Variants in ENPP2 observed in about 807,000 individuals in gnomAD.
ENPP2 encodes the protein autotaxin.
A neutral mutation model predicts 120.2 loss-of-function variants in ENPP2; 51 were observed. The observed-to-expected ratio is 0.42, with a 90% CI of 0.34 to 0.54. ENPP2 has a LOEUF of 0.54. Among genes scored for constraint, ENPP2 ranks in the 20% least tolerant of loss-of-function variants. The probability of loss-of-function intolerance (pLI) is 0.04; values close to 1 mark genes in which losing one functional copy is unlikely to be tolerated. For synonymous variants in ENPP2, 365 were observed against 366.4 expected (o/e 1.00, Z 0.04); for missense variants, 920 against 1,066.5 (o/e 0.86, Z 1.91).
upstream of ENPP2, among the ~76,000 whole-genome samples, chr8:119,641,916 C>CA (rs36018654): frequency 6.5e-3 from 988 of 152,182 alleles, 5 homozygotes; most frequent in Non-Finnish European, 9.9e-3. Flanking sequence ...TAGGGATAAA[C>CA]AAAAAACTAT....
intron 12 of ENPP2, among the ~76,000 whole-genome samples, chr8:119,593,236 C>G (rs1423191057): frequency 6.6e-6 from 1 of 152,186 alleles, no homozygotes; most frequent in Non-Finnish European, 1.5e-5. Context: ...TGAATTACAG[C>G]AGGGCCTTCC....
In ENPP2 at chr8:119,626,478, GCAGGGTGGCCACTC is replaced by G. The variant is rs146093752; in HGVS notation, c.292+73_292+86del. 4.6e-3 allele frequency: 4,713 copies of G among 1,030,890 alleles called. 120 individuals are homozygous for G. In the African/African-American group the frequency reaches 0.065, roughly 14 times the overall value. The allele number at this position is 1,030,890 out of a possible 1,614,324, so 63.9% of individuals were successfully genotyped here. A position where few individuals can be genotyped will look rare whatever the true frequency, so the allele number is the denominator to read the frequency against. ...GAATCCACAGTTTGGATAGACCAAA[GCAGGGTGGCCACTC>G]CAGGATGCATACAATAGCAGGCAGT... On this transcript the variant is annotated intron_variant, in intron 3 of 24. Coordinates refer to ENST00000075322, the MANE Select transcript of ENPP2 (RefSeq NM_001040092.3).
At chr8:119,627,657 T>A (rs1430398500) in intron 2 of ENPP2, among the ~76,000 whole-genome samples, 1 of 151,556 alleles carries the variant, frequency 6.6e-6, no homozygotes, top group Non-Finnish European at 1.5e-5. Flanking sequence ...AGGTCAGGAG[T>A]TCGAGACCAG....
At chr8:119,572,285 T>C in intron 19 of ENPP2, 1 of 1,450,876 alleles carries the variant, frequency 6.9e-7, no homozygotes, top group Non-Finnish European at 9.5e-7. Flanking sequence ...TTTGAGAAGC[T>C]ATTCTCTTTT....
At chr8:119,595,975 G>C in intron 11 of ENPP2, 1 of 1,613,944 alleles carries the variant, frequency 6.2e-7, no homozygotes, top group Non-Finnish European at 8.5e-7. Context: ...CTCTTAGCCG[G>C]AGTAAAAGGT....
chr8:119,660,227 T>C (rs557964555), intron 1 of ENPP2, among the ~76,000 whole-genome samples: 2 of 152,348 alleles, frequency 1.3e-5, no homozygotes, highest in African/African-American at 4.8e-5. Flanking sequence ...GAAAAAACAG[T>C]TATTTGAAAT....
At chr8:119,568,476 A>T (rs1281277465) in intron 21 of ENPP2, among the ~76,000 whole-genome samples, 1 of 151,426 alleles carries the variant, frequency 6.6e-6, no homozygotes, top group Non-Finnish European at 1.5e-5. Context: ...AGCCATTTAC[A>T]ATGTTTTTTT....
At chr8:119,635,339 T>C (rs1381061597) in intron 2 of ENPP2, among the ~76,000 whole-genome samples, 1 of 152,244 alleles carries the variant, frequency 6.6e-6, no homozygotes, top group Non-Finnish European at 1.5e-5. Context: ...AAGTCTCTGT[T>C]AGCCAGCTAT....
intron 1 of ENPP2, among the ~76,000 whole-genome samples, chr8:119,643,922 AGAG>A (rs1156279975): frequency 5.9e-5 from 9 of 152,178 alleles, no homozygotes; most frequent in Admixed American, 2.6e-4. Context: ...ACTTCTAGAC[AGAG>A]GAGAGAGAAC....
chr8:119,639,608 G>A (rs1214170772), upstream of ENPP2, among the ~76,000 whole-genome samples: 1 of 152,020 alleles, frequency 6.6e-6, no homozygotes, highest in East Asian at 1.9e-4. Flanking sequence ...TTCGGGCGGG[G>A]CGGAGGAGGG....
chr8:119,588,739 T>G (rs1813294097), intron 13 of ENPP2, among the ~76,000 whole-genome samples: 1 of 152,004 alleles, frequency 6.6e-6, no homozygotes, highest in Admixed American at 6.6e-5. Context: ...TAAAGTAAGT[T>G]CATGGTCTTT....
chr8:119,557,589 T>C lies in ENPP2; in HGVS notation c.2524A>G (p.Thr842Ala). The C allele has an allele frequency of 6.2e-7, 1 of 1,612,758 alleles. No homozygotes were observed. Among genetic ancestry groups the C allele is most frequent in the Non-Finnish European group, 8.5e-7 (1 of 1,179,872 alleles). ...AGGATTTCTGGGTAGCTGCGGCTGG[T>C]CTTTCGGAAGAAGTCCAGGCTGGTG... is the stretch of plus-strand genomic sequence containing the variant. Reference protein sequence around the residue: ...HLTSLDFFRKTSRSYPEILTL... With the variant: ...HLTSLDFFRKASRSYPEILTL... The change falls in exon 25 of 25, where the codon ACC (threonine) becomes GCC (alanine). Residue 842 changes from threonine (T) to alanine (A), a missense_variant. Thr to Ala is a moderately conservative substitution (Grantham distance 58). Transcript: ENST00000075322.
intron 1 of ENPP2, among the ~76,000 whole-genome samples, chr8:119,658,478 C>T (rs1244901945): frequency 6.6e-6 from 1 of 152,180 alleles, no homozygotes; most frequent in Non-Finnish European, 1.5e-5. Context: ...CTGTATTGCC[C>T]AGGCTAAAAG....
intron 18 of ENPP2, among the ~76,000 whole-genome samples, chr8:119,581,762 C>A (rs1812754527): frequency 7.1e-6 from 1 of 140,724 alleles, no homozygotes. Context: ...TTTTTCATTT[C>A]CTTTTTTTTT....
In ENPP2 at chr8:119,582,558, T is replaced by C. The variant is rs766026134; in HGVS notation, c.1588A>G (p.Ser530Gly). ...TTAGTGCGCAGGAGATGATTCAAAC[T>C]TCCATGGGTCCCATTATTAGGAGCT... is the stretch of plus-strand genomic sequence containing the variant. The part of the protein sequence containing the change: ...KPAPNNGTHG[S>G]LNHLLRTNTF... The change falls in exon 18 of 25, where the codon AGT becomes GGT. Residue 530 changes from serine to glycine, a missense_variant. Ser to Gly is a moderately conservative substitution (Grantham distance 56, BLOSUM62 0). Transcript: ENST00000075322. The C allele has an allele frequency of 5.0e-6, 8 of 1,613,844 alleles. No individual in the cohort carries two copies. The highest frequency in any genetic ancestry group is 6.8e-6 in the Non-Finnish European group (8 of 1,179,834).
At chr8:119,635,627 T>G (rs564485828) in intron 2 of ENPP2, among the ~76,000 whole-genome samples, 145 of 152,328 alleles carry the variant, frequency 9.5e-4, no homozygotes, top group Non-Finnish European at 1.6e-3. Context: ...GGCTTATATT[T>G]TCTTAGAAAA....
intron 24 of ENPP2, among the ~76,000 whole-genome samples, chr8:119,558,197 A>G (rs1400873288): frequency 6.6e-6 from 1 of 152,138 alleles, no homozygotes; most frequent in Non-Finnish European, 1.5e-5. Context: ...ACTAGAATGC[A>G]TAAATTGCTA....
chr8:119,644,909 T>C (rs7839329), intron 1 of ENPP2, among the ~76,000 whole-genome samples: 49,954 of 151,826 alleles, frequency 0.33, 10,159 homozygotes, highest in African/African-American at 0.57. Flanking sequence ...GCTGAGTCGC[T>C]AGCAGGCTTG....
chr8:119,599,369 TACTTAAGTATTGTCAAAAA>T lies in ENPP2; in HGVS notation c.972+1290_972+1308del, dbSNP rs569105723. Among the ~76,000 whole-genome samples, 180 of 152,298 alleles carry T rather than the reference TACTTAAGTATTGTCAAAAA, an allele frequency of 1.2e-3. 4 individuals carry two copies. The highest frequency in any genetic ancestry group is 1.4e-3 in the Non-Finnish European group (98 of 68,024). On this transcript the variant is annotated intron_variant, in intron 11 of 24. Coordinates refer to ENST00000075322, the MANE Select transcript of ENPP2 (RefSeq NM_001040092.3). ...TCACATGCTGCAAGTATTGTCAAAA[TACTTAAGTATTGTCAAAAA>T]ACTTAAGTATTGTCAAAAATACTTA...
Sources: gnomAD v4.1 joint callset for allele counts (sites outside exome capture counted in the v4.1 genomes callset) on GRCh38, gnomAD v4.1.1 for gene constraint, MANE v1.5 for transcripts, NCBI Gene and HGNC (gene_info 2026-07-23, HGNC 2026-07-21) for gene names.